The following PPP2R2B variants were observed in gnomAD, a reference collection of about 807,000 sequenced individuals.
The protein encoded by PPP2R2B is protein phosphatase 2 regulatory subunit Bbeta, also known as serine/threonine-protein phosphatase 2A 55 kDa regulatory subunit B beta isoform.
Under a neutral mutation model 46.0 loss-of-function variants are expected in PPP2R2B, and 5 were observed. The observed-to-expected ratio is 0.11, with a 90% CI of 0.06 to 0.23. PPP2R2B has a LOEUF of 0.23. Among genes scored for constraint, PPP2R2B ranks in the 10% least tolerant of loss-of-function variants. PPP2R2B has a pLI of 1.00. For synonymous variants in PPP2R2B, 215 were observed against 206.7 expected, an observed-to-expected ratio of 1.04 and a Z score of -0.34; for missense variants, 367 against 575.0, an observed-to-expected ratio of 0.64 and a Z score of 3.70.
chr5:146,592,738 A>T (rs1218132049), intron 9 of PPP2R2B, among the ~76,000 whole-genome samples: 1 of 152,180 alleles, frequency 6.6e-6, no homozygotes, highest in Non-Finnish European at 1.5e-5. Context: ...TTTCTTATTA[A>T]CATTAAGGTG....
Position 146,627,904 on chromosome 5 carries a change from C to T in PPP2R2B, c.790+10347G>A, listed in dbSNP as rs116840514. 8.7e-3 allele frequency among the ~76,000 whole-genome samples: 1,322 copies of T among 152,138 alleles called. 19 individuals carry two copies. Among genetic ancestry groups the T allele is most frequent in the African/African-American group, 0.03 (1,250 of 41,490 alleles). ...ACTTTGCCTTCTTCTCATTGGAACT[C>T]GGGCTGTTTCTCCAATGACTACACT... On this transcript the variant is annotated intron_variant, in intron 7 of 9. Transcript: ENST00000394411.
upstream of PPP2R2B, among the ~76,000 whole-genome samples, chr5:147,060,748 C>T (rs75456591): frequency 8.9e-3 from 1,362 of 152,298 alleles, 22 homozygotes; most frequent in African/African-American, 0.031. Flanking sequence ...CTGTGAGGAT[C>T]AAATGAGGTA....
intron 1 of PPP2R2B, among the ~76,000 whole-genome samples, chr5:147,031,403 T>C (rs760509630): frequency 6.6e-6 from 1 of 152,154 alleles, no homozygotes; most frequent in African/African-American, 2.4e-5. Context: ...GTTTTCATAG[T>C]AGTATGTGTT....
intron 1 of PPP2R2B, among the ~76,000 whole-genome samples, chr5:146,937,661 A>G (rs920544978): frequency 2.6e-5 from 4 of 152,112 alleles, no homozygotes; most frequent in South Asian, 4.1e-4. Flanking sequence ...CCTTTGAGCT[A>G]GAGTGAGCCG....
intron 5 of PPP2R2B, among the ~76,000 whole-genome samples, chr5:146,663,777 T>C (rs1776815166): frequency 6.6e-6 from 1 of 152,186 alleles, no homozygotes; most frequent in Non-Finnish European, 1.5e-5. Context: ...GGATGCTGAT[T>C]GATCAGGGTG....
intron 1 of PPP2R2B, chr5:147,055,619 C>T: frequency 1.3e-6 from 2 of 1,531,032 alleles, no homozygotes; most frequent in South Asian, 1.1e-5. Context: ...CAGACACCAG[C>T]CCACTTTTCC....
chr5:146,998,717 A>C (rs1754029221), intron 1 of PPP2R2B, among the ~76,000 whole-genome samples: 1 of 152,042 alleles, frequency 6.6e-6, no homozygotes. Context: ...TAGAAACTAA[A>C]CTCTTCTTTC....
At chr5:147,054,382 G>T (rs1486043555) in intron 1 of PPP2R2B, among the ~76,000 whole-genome samples, 2 of 151,900 alleles carry the variant, frequency 1.3e-5, no homozygotes, top group African/African-American at 2.4e-5. Context: ...CCCTCAATAT[G>T]GATAAGGACT....
At chr5:146,875,072 ACT>A (rs980411686) in intron 2 of PPP2R2B, among the ~76,000 whole-genome samples, 8 of 152,348 alleles carry the variant, frequency 5.3e-5, no homozygotes, top group African/African-American at 1.9e-4. Flanking sequence ...GCCTTCAGAC[ACT>A]GGCTTGAGTT....
chr5:146,727,541 G>T (rs1751951434), intron 2 of PPP2R2B, among the ~76,000 whole-genome samples: 1 of 152,004 alleles, frequency 6.6e-6, no homozygotes, highest in African/African-American at 2.4e-5. Context: ...GTAGAATGGG[G>T]GTGAGGGATG....
chr5:146,829,973 G>A (rs1312700796), intron 2 of PPP2R2B, among the ~76,000 whole-genome samples: 1 of 152,076 alleles, frequency 6.6e-6, no homozygotes, highest in Non-Finnish European at 1.5e-5. Flanking sequence ...TTTTCTCAGA[G>A]GTAAAATAGA....
intron 1 of PPP2R2B, among the ~76,000 whole-genome samples, chr5:147,042,304 C>A (rs907177759): frequency 6.6e-6 from 1 of 152,034 alleles, no homozygotes; most frequent in African/African-American, 2.4e-5. Flanking sequence ...GAGCATTAGC[C>A]GTCTCTTGGC....
chr5:147,001,406 C>A (rs1426794615), intron 1 of PPP2R2B, among the ~76,000 whole-genome samples: 1 of 152,110 alleles, frequency 6.6e-6, no homozygotes, highest in African/African-American at 2.4e-5. Context: ...TCCAGACACG[C>A]CATCTTTAAG....
chr5:146,701,479 T>G (rs1779533511), intron 2 of PPP2R2B, among the ~76,000 whole-genome samples: 1 of 152,170 alleles, frequency 6.6e-6, no homozygotes, highest in Non-Finnish European at 1.5e-5. Flanking sequence ...CACAGACCCT[T>G]CGTGCATCCA....
intron 7 of PPP2R2B, among the ~76,000 whole-genome samples, chr5:146,628,727 C>G (rs1333304093): frequency 2.6e-5 from 4 of 152,202 alleles, no homozygotes; most frequent in Non-Finnish European, 4.4e-5. Context: ...GTACTGGGAA[C>G]CTACTATGTG....
chr5:146,836,558 A>G (rs945859831), intron 2 of PPP2R2B, among the ~76,000 whole-genome samples: 2 of 152,154 alleles, frequency 1.3e-5, no homozygotes, highest in Non-Finnish European at 2.9e-5. Context: ...ATACTTTAGC[A>G]ACTGCTGCTC....
intron 2 of PPP2R2B, among the ~76,000 whole-genome samples, chr5:146,833,920 A>G (rs987133114): frequency 6.6e-6 from 1 of 152,190 alleles, no homozygotes; most frequent in African/African-American, 2.4e-5. Flanking sequence ...ATAACTCATC[A>G]TGTGAATCAG....
intron 8 of PPP2R2B, among the ~76,000 whole-genome samples, chr5:146,597,037 C>T (rs1315737978): frequency 6.6e-6 from 1 of 152,144 alleles, no homozygotes; most frequent in Non-Finnish European, 1.5e-5. Flanking sequence ...TAGCTGGGCT[C>T]CTTGTTGCTC....
chr5:147,020,788 A>T (rs1205761356), intron 1 of PPP2R2B, among the ~76,000 whole-genome samples: 1 of 152,206 alleles, frequency 6.6e-6, no homozygotes, highest in Non-Finnish European at 1.5e-5. Flanking sequence ...TATTAATCAC[A>T]TTCTTGAAGT....
Sources: gnomAD v4.1 joint callset for allele counts (sites outside exome capture counted in the v4.1 genomes callset) on GRCh38, gnomAD v4.1.1 for gene constraint, MANE v1.5 for transcripts, NCBI Gene and HGNC (gene_info 2026-07-23, HGNC 2026-07-21) for gene names.